ZBTB38: variants seen among roughly 807,000 people sequenced by gnomAD.
ZBTB38 encodes zinc finger and BTB domain-containing protein 38.
ZBTB38 carries 20 observed loss-of-function variants against 76.8 expected under a neutral mutation model. The ratio of observed to expected loss-of-function variants is 0.26; its 90% CI spans 0.18 to 0.38. ZBTB38 has a LOEUF of 0.38. Among genes scored for constraint, ZBTB38 ranks in the 10% least tolerant of loss-of-function variants. ZBTB38 has a pLI of 1.00. For missense variants in ZBTB38, 1,082 were observed against 1,482.3 expected (o/e 0.73, Z 4.43); for synonymous variants, 504 against 544.2 (o/e 0.93, Z 1.03).
At chr3:141,363,783 G>C (rs1387368763), upstream of ZBTB38, among the ~76,000 whole-genome samples, 1 of 152,124 alleles carries the variant, frequency 6.6e-6, no homozygotes, top group African/African-American at 2.4e-5. Context: ...CACATGAAAA[G>C]AATGAATGTG....
chr3:141,395,615 G>A (rs1950183001), intron 4 of ZBTB38, among the ~76,000 whole-genome samples: 1 of 152,028 alleles, frequency 6.6e-6, no homozygotes, highest in Non-Finnish European at 1.5e-5. Context: ...ATTAAGTATA[G>A]TAATAATGAT....
rs2080575233 is a variant in ZBTB38, at chr3:141,443,058, G to A, written c.670G>A (p.Ala224Thr). Reference protein sequence around the residue: ...PVRTLAEHSYAVSSVAEAYRS... With the variant: ...PVRTLAEHSYTVSSVAEAYRS... ...CCGCACACTTGCCGAGCACTCATAC[G>A]CTGTTTCTTCCGTAGCTGAAGCTTA... Residue 224 changes from alanine to threonine, a missense_variant, in exon 6 of 6, where the codon GCT (alanine) becomes ACT (threonine). By Grantham distance (58) the Ala-to-Thr change is moderately conservative. Coordinates refer to ENST00000321464, the MANE Select transcript of ZBTB38 (RefSeq NM_001376113.1). This position sits in a 1 kb window ranked among gnomAD's most constrained non-coding sequence, Gnocchi z 5.6. 2 of 1,614,248 alleles carry A rather than the reference G, an allele frequency of 1.2e-6. No individual in the cohort carries two copies. The highest frequency in any genetic ancestry group is 1.3e-5 in the African/African-American group (1 of 75,062).
chr3:141,444,875 A>G lies in ZBTB38; in HGVS notation c.2487A>G (p.Thr829=). 1 of 1,614,186 alleles carries G rather than the reference A, an allele frequency of 6.2e-7. No homozygotes were observed. Among genetic ancestry groups the G allele is most frequent in the East Asian group, 2.2e-5 (1 of 44,884 alleles). Residue 829 remains threonine (T), a synonymous_variant, in exon 6 of 6, where the codon ACA becomes ACG. Coordinates refer to ENST00000321464, the MANE Select transcript of ZBTB38 (RefSeq NM_001376113.1). The surrounding 1 kb of genome is among the most constrained non-coding windows in gnomAD (Gnocchi z 5.1). ...IAKPALPGTS[T]NSNVAPLCQI... ...AACCTGCTCTGCCGGGAACCTCCAC[A>G]AATAGTAATGTTGCACCCCTTTGCC...
At chr3:141,392,226 C>G (rs1011498701) in intron 4 of ZBTB38, among the ~76,000 whole-genome samples, 1 of 152,082 alleles carries the variant, frequency 6.6e-6, no homozygotes, top group Non-Finnish European at 1.5e-5. Flanking sequence ...CAAGCTTGTT[C>G]GGTTCCTTTG....
rs2080783647 is a variant in ZBTB38, at chr3:141,444,244, A to G, written c.1856A>G (p.Gln619Arg). 1.2e-6 allele frequency: 2 copies of G among 1,614,110 alleles called. No homozygotes were observed. Among genetic ancestry groups the G allele is most frequent in the Non-Finnish European group, 1.7e-6 (2 of 1,180,048 alleles). The change falls in exon 6 of 6, where the codon CAA becomes CGA. Residue 619 changes from glutamine (Q) to arginine (R), a missense_variant. By Grantham distance (43) the Gln-to-Arg change is conservative. This residue lies in a region of ZBTB38 where 471 missense variants were observed against 581.0 expected (regional missense o/e 0.81). Coordinates refer to ENST00000321464, the MANE Select transcript of ZBTB38 (RefSeq NM_001376113.1). This position sits in a 1 kb window ranked among gnomAD's most constrained non-coding sequence, Gnocchi z 5.1. ...TCTGAATTACCAACGCTGAATTTCC[A>G]AGATACTGTAAACACCCTGACCAAC... ...HSSELPTLNF[Q>R]DTVNTLTNSP... is the part of the protein sequence containing the mutation.
intron 5 of ZBTB38, among the ~76,000 whole-genome samples, chr3:141,429,904 T>C (rs2077119201): frequency 6.6e-6 from 1 of 151,916 alleles, no homozygotes; most frequent in Admixed American, 6.6e-5. Flanking sequence ...AGGAGTGCAG[T>C]GGGAGGGAAC....
intron 2 of ZBTB38, among the ~76,000 whole-genome samples, chr3:141,375,873 C>T (rs906051671): frequency 9.9e-5 from 15 of 152,204 alleles, no homozygotes; most frequent in African/African-American, 3.6e-4. Flanking sequence ...CTGAAAGGTG[C>T]TGTGTGCTGG....
intron 5 of ZBTB38, among the ~76,000 whole-genome samples, chr3:141,441,047 AAAAGAAAAGAAAAAG>A (rs1289622104): frequency 9.2e-5 from 14 of 151,680 alleles, no homozygotes; most frequent in Non-Finnish European, 2.1e-4. Context: ...AAAAAAAAAA[AAAAGAAAAGAAAAAG>A]AAAGAAAAGA....
intron 1 of ZBTB38, among the ~76,000 whole-genome samples, chr3:141,361,510 G>C (rs1001658095): frequency 6.6e-6 from 1 of 152,218 alleles, no homozygotes; most frequent in African/African-American, 2.4e-5. Context: ...ATGTTAAGTG[G>C]TCAAGCAAGG....
chr3:141,353,558 G>C (rs1409323670), intron 1 of ZBTB38, among the ~76,000 whole-genome samples: 2 of 152,086 alleles, frequency 1.3e-5, no homozygotes, highest in African/African-American at 2.4e-5. Flanking sequence ...CATTGGGAAG[G>C]GGGGAAGGGG....
Position 141,442,980 on chromosome 3 carries a change from A to C in ZBTB38, c.592A>C (p.Thr198Pro). Residue 198 changes from threonine to proline, a missense_variant, in exon 6 of 6, where the codon ACA (threonine) becomes CCA (proline). By Grantham distance (38) the Thr-to-Pro change is conservative. This residue lies in a region of ZBTB38 where 324 missense variants were observed against 359.1 expected (regional missense o/e 0.90). Coordinates refer to ENST00000321464, the MANE Select transcript of ZBTB38 (RefSeq NM_001376113.1). This position sits in a 1 kb window ranked among gnomAD's most constrained non-coding sequence, Gnocchi z 6.4. ...SFKKVSDSMR[T>P]ASLCLERTDV... ...CAAAAAGGTCTCCGACTCCATGAGA[A>C]CAGCTAGCCTTTGCCTGGAGAGGAC... is the stretch of plus-strand genomic sequence containing the variant. 1.2e-6 allele frequency: 2 copies of C among 1,614,236 alleles called. No individual in the cohort carries two copies. Among genetic ancestry groups the C allele is most frequent in the Non-Finnish European group, 1.7e-6 (2 of 1,180,034 alleles).
intron 5 of ZBTB38, among the ~76,000 whole-genome samples, chr3:141,419,398 G>A (rs1393402411): frequency 1.3e-5 from 2 of 152,244 alleles, no homozygotes; most frequent in East Asian, 3.9e-4. Context: ...ACTGAATTTG[G>A]CATAAAATAA....
intron 4 of ZBTB38, among the ~76,000 whole-genome samples, chr3:141,402,191 C>T (rs2149570667): frequency 6.6e-6 from 1 of 152,276 alleles, no homozygotes; most frequent in Admixed American, 6.5e-5. Context: ...CTCACGGGTC[C>T]CGCCGCCGCC....
intron 5 of ZBTB38, among the ~76,000 whole-genome samples, chr3:141,414,211 T>C (rs2073378795): frequency 6.6e-6 from 1 of 152,212 alleles, no homozygotes; most frequent in Non-Finnish European, 1.5e-5. Flanking sequence ...GTGGTTAGAT[T>C]GTGGCAAACT....
chr3:141,406,047 G>A (rs1278285844), intron 5 of ZBTB38, among the ~76,000 whole-genome samples: 2 of 152,070 alleles, frequency 1.3e-5, no homozygotes, highest in African/African-American at 4.8e-5. Flanking sequence ...GAAACTTGGA[G>A]CATATTCAGG....
At chr3:141,402,377 CG>C (rs1237270348) in intron 4 of ZBTB38, 3 of 151,562 alleles carry the variant, frequency 2.0e-5, no homozygotes, top group African/African-American at 7.3e-5. Flanking sequence ...TGCAGCGCTG[CG>C]GCCGGACTCA....
At chr3:141,411,471 G>A (rs1435812860) in intron 5 of ZBTB38, among the ~76,000 whole-genome samples, 3 of 152,162 alleles carry the variant, frequency 2.0e-5, no homozygotes, top group Non-Finnish European at 4.4e-5. Flanking sequence ...AGCCATAACC[G>A]GTGCCTGTGG....
chr3:141,448,844 C>G lies in ZBTB38; in HGVS notation c.*2868C>G, dbSNP rs1207011563. On this transcript the variant is annotated 3_prime_UTR_variant, in exon 6 of 6. Transcript: ENST00000321464. Reference sequence around the variant, plus strand: ...ACATTCCGTGGTACCTACTTACATGCTTAGGAGTCAAATGGATTATGACAT... The same window carrying G: ...ACATTCCGTGGTACCTACTTACATGGTTAGGAGTCAAATGGATTATGACAT... 1 of 152,074 alleles carries G rather than the reference C, an allele frequency of 6.6e-6. No individual in the cohort carries two copies. Among genetic ancestry groups the G allele is most frequent in the Non-Finnish European group, 1.5e-5 (1 of 68,018 alleles). The allele number at this position is 152,074 out of a possible 1,614,324, so 9.4% of individuals were successfully genotyped here. A position where few individuals can be genotyped will look rare whatever the true frequency, so the allele number is the denominator to read the frequency against.
rs1484518146 is a variant in ZBTB38, at chr3:141,446,689, A to G, written c.*713A>G. On this transcript the variant is annotated 3_prime_UTR_variant, in exon 6 of 6. Transcript: ENST00000321464. Reference sequence around the variant, plus strand: ...AGGACTGATGTAAAAATCAATAGAAAGCATTTTGAATATGATTTAAGAGCA... The same window carrying G: ...AGGACTGATGTAAAAATCAATAGAAGGCATTTTGAATATGATTTAAGAGCA... 1 of 152,690 alleles carries G rather than the reference A, an allele frequency of 6.5e-6. No homozygotes were observed. The highest frequency in any genetic ancestry group is 1.5e-5 in the Non-Finnish European group (1 of 68,044). The allele number at this position is 152,690 out of a possible 1,614,324, so 9.5% of individuals were successfully genotyped here.
Sources: gnomAD v4.1 joint callset for allele counts (sites outside exome capture counted in the v4.1 genomes callset) on GRCh38, gnomAD v4.1.1 for gene constraint, gnomAD v4.1.1 regional missense constraint, Gnocchi (gnomAD v3.1) non-coding constraint, MANE v1.5 for transcripts, NCBI Gene and HGNC (gene_info 2026-07-23, HGNC 2026-07-21) for gene names.